The following STRA6 variants were observed in gnomAD, a reference collection of about 807,000 sequenced individuals.
STRA6 encodes the protein receptor for retinol uptake STRA6.
A neutral mutation model predicts 83.6 loss-of-function variants in STRA6; 48 were observed. The ratio of observed to expected loss-of-function variants is 0.57; its 90% confidence interval spans 0.46 to 0.73. The LOEUF is 0.73. STRA6 is among the 30% of genes least tolerant of loss of function. The probability of loss-of-function intolerance (pLI) is 0.00; values close to 1 mark genes in which losing one functional copy is unlikely to be tolerated. For synonymous variants in STRA6, 353 were observed against 362.3 expected (o/e 0.97, Z 0.29); for missense variants, 760 against 838.8 (o/e 0.91, Z 1.16).
chr15:74,193,908 G>A lies in STRA6; in HGVS notation c.612C>T (p.Tyr204=). 6.2e-7 allele frequency: 1 copy of A among 1,613,540 alleles called. No individual in the cohort carries two copies. Among genetic ancestry groups the A allele is most frequent in the Non-Finnish European group, 8.5e-7 (1 of 1,179,552 alleles). ...CPQVPKIYKY[Y]SLLASLPLLL... ...GGAGAGGCAGGGAGGCCAGCAGGGA[G>A]TAGTACTTGTAGATCTGGACAGACA... The change falls in exon 8 of 19, where the codon TAC becomes TAT. Residue 204 remains tyrosine, a synonymous_variant. Coordinates refer to ENST00000395105, the MANE Select transcript of STRA6 (RefSeq NM_022369.4).
At chr15:74,183,703 G>C in intron 14 of STRA6, 153 bp downstream of exon 14, 1 of 1,580,300 alleles carries the variant, frequency 6.3e-7, no homozygotes. Context: ...GGGCAGGGAA[G>C]GCAGGGGGGT....
upstream of STRA6, among the ~76,000 whole-genome samples, chr15:74,206,846 T>C (rs1038008929): frequency 1.3e-5 from 2 of 152,232 alleles, no homozygotes; most frequent in African/African-American, 2.4e-5. Flanking sequence ...GTGACCAGCA[T>C]GAACCCACGT....
At chr15:74,187,012 G>A (rs2073286672) in intron 12 of STRA6, among the ~76,000 whole-genome samples, 1 of 152,220 alleles carries the variant, frequency 6.6e-6, no homozygotes, top group Admixed American at 6.5e-5. Context: ...GCAAGGTTGG[G>A]AGAAAGCACT....
In STRA6 at chr15:74,182,282, G is replaced by A. The variant is rs750543447; in HGVS notation, c.1419-20C>T. 1 of 1,614,104 alleles carries A rather than the reference G, an allele frequency of 6.2e-7. No individual in the cohort carries two copies. The highest frequency in any genetic ancestry group is 2.2e-5 in the East Asian group (1 of 44,880). On this transcript the variant is annotated intron_variant, in intron 15 of 18. Coordinates refer to ENST00000395105, the MANE Select transcript of STRA6 (RefSeq NM_022369.4). ...AAGGGCCTGCCAGTGGGGTGGGGAGGTGGTCGCTGTTAGCGGACCTCTAAG... is the reference window on the plus strand; with the variant it reads ...AAGGGCCTGCCAGTGGGGTGGGGAGATGGTCGCTGTTAGCGGACCTCTAAG...
chr15:74,181,172 G>A (rs1384707934), intron 17 of STRA6, 123 bp downstream of exon 17: 1 of 1,448,428 alleles, frequency 6.9e-7, no homozygotes, highest in East Asian at 2.5e-5. Context: ...GCACACAGGT[G>A]GCACATGCAG....
upstream of STRA6, among the ~76,000 whole-genome samples, chr15:74,210,860 C>T (rs951417503): frequency 1.3e-5 from 2 of 152,172 alleles, no homozygotes; most frequent in Non-Finnish European, 2.9e-5. Flanking sequence ...CTCTTTACCC[C>T]CTCCTCCTTC....
chr15:74,197,667 T>A, intron 3 of STRA6, 85 bp downstream of exon 3: 1 of 1,547,062 alleles, frequency 6.5e-7, no homozygotes, highest in Non-Finnish European at 8.8e-7. Context: ...AGGGCCCCCC[T>A]TCACCAGCCC....
intron 16 of STRA6, 37 bp from the exon 17 acceptor site, chr15:74,181,495 C>T (rs775890826): frequency 5.6e-6 from 9 of 1,607,550 alleles, no homozygotes; most frequent in African/African-American, 1.3e-5. Flanking sequence ...AGGCCGTTCC[C>T]CAGAGCTCCC....
At chr15:74,193,323 T>G (rs1418169641) in intron 8 of STRA6, among the ~76,000 whole-genome samples, 2 of 152,196 alleles carry the variant, frequency 1.3e-5, no homozygotes, top group East Asian at 3.8e-4. Context: ...TTCAGGCCCT[T>G]GTAGAGTCTA....
At chr15:74,190,159 C>A (rs564311887) in intron 11 of STRA6, among the ~76,000 whole-genome samples, 2 of 152,306 alleles carry the variant, frequency 1.3e-5, no homozygotes, top group African/African-American at 4.8e-5. Flanking sequence ...ACTGTGTCTG[C>A]ACCTCTATCT....
chr15:74,194,816 CTT>C (rs1567191586), intron 7 of STRA6: 8 of 1,311,074 alleles, frequency 6.1e-6, no homozygotes, highest in East Asian at 2.8e-5. Flanking sequence ...TACCATCACT[CTT>C]TGAGTTCTAG....
At chr15:74,197,614 G>T in intron 3 of STRA6, 138 bp downstream of exon 3, 2 of 1,285,798 alleles carry the variant, frequency 1.6e-6, no homozygotes, top group East Asian at 2.5e-5. Flanking sequence ...GGGCCTCCAA[G>T]CTGGGAGAAC....
Position 74,180,812 on chromosome 15 carries a change from C to T in STRA6, c.1810G>A (p.Asp604Asn), listed in dbSNP as rs374676386. 3.7e-6 allele frequency: 6 copies of T among 1,613,446 alleles called. No individual in the cohort carries two copies. Among genetic ancestry groups the T allele is most frequent in the Non-Finnish European group, 4.2e-6 (5 of 1,179,490 alleles). The change falls in exon 18 of 19, where the codon GAC becomes AAC. Residue 604 changes from aspartate (D) to asparagine (N), a missense_variant. Physicochemically the swap from Asp to Asn is conservative, Grantham distance 23. Transcript: ENST00000395105. ...LLPRTMAAPQ[D>N]SLRPGEEDEG... Reference sequence around the variant, plus strand: ...TCTTCCTCCCCTGGTCTGAGGCTGTCCTGGGGGGCTGCCATGGTCCTGGGT... The same window carrying T: ...TCTTCCTCCCCTGGTCTGAGGCTGTTCTGGGGGGCTGCCATGGTCCTGGGT...
intron 7 of STRA6, 200 bp downstream of exon 7, chr15:74,195,102 G>T (rs781118090): frequency 2.2e-5 from 33 of 1,474,792 alleles, no homozygotes; most frequent in African/African-American, 2.8e-5. Context: ...CTGAGGGCTG[G>T]GCCCAGCCAC....
chr15:74,198,977 G>C (rs997866347), intron 2 of STRA6, among the ~76,000 whole-genome samples: 1 of 152,226 alleles, frequency 6.6e-6, no homozygotes, highest in African/African-American at 2.4e-5. Flanking sequence ...GGCCCTGGGA[G>C]AGTAGGCAGG....
chr15:74,181,045 C>T, intron 17 of STRA6, 108 bp from the exon 18 acceptor site: 1 of 1,500,666 alleles, frequency 6.7e-7, no homozygotes, highest in Non-Finnish European at 9.1e-7. Context: ...TCCCTGCATC[C>T]AAGCATGTCG....
chr15:74,207,195 G>C (rs1166939914), upstream of STRA6, among the ~76,000 whole-genome samples: 12 of 152,136 alleles, frequency 7.9e-5, no homozygotes, highest in African/African-American at 2.4e-4. Flanking sequence ...ATCCTCAAAG[G>C]GCAAAGTGCC....
chr15:74,191,360 T>C, intron 9 of STRA6, 64 bp downstream of exon 9: 1 of 1,608,826 alleles, frequency 6.2e-7, no homozygotes, highest in Non-Finnish European at 8.5e-7. Context: ...AGTGCCAGCT[T>C]CCCAAGCACG....
At position 74,189,216 on chromosome 15, in the gene STRA6, G is replaced by A. The variant is rs2073408586; in HGVS notation, c.989C>T (p.Thr330Ile). Residue 330 changes from threonine to isoleucine, a missense_variant, in exon 12 of 19, where the codon ACC (threonine) becomes ATC (isoleucine). By Grantham distance (89) the Thr-to-Ile change is moderately conservative. Transcript: ENST00000395105. ...GGCCAGCAGGTAGGAGACATCCGTG[G>A]TGACCCCTGCCCTCACCTTCTGGAT... ...PTIQKVRAGV[T>I]TDVSYLLAGF... 6.2e-7 allele frequency: 1 copy of A among 1,612,302 alleles called. No individual in the cohort carries two copies. The highest frequency in any genetic ancestry group is 1.3e-5 in the African/African-American group (1 of 74,930).
Sources: gnomAD v4.1 joint callset for allele counts (sites outside exome capture counted in the v4.1 genomes callset) on GRCh38, gnomAD v4.1.1 for gene constraint, MANE v1.5 for transcripts, NCBI Gene and HGNC (gene_info 2026-07-23, HGNC 2026-07-21) for gene names.